The following PRDM16 variants were observed in gnomAD, a reference collection of about 807,000 sequenced individuals.
PRDM16 encodes histone-lysine N-methyltransferase PRDM16.
A neutral mutation model predicts 110.6 loss-of-function variants in PRDM16; 23 were observed. That is an observed-to-expected ratio of 0.21 (90% confidence interval 0.15 to 0.29). The LOEUF (loss-of-function observed/expected upper bound fraction) is 0.29, where lower values mean the gene tolerates loss of function less well. PRDM16 is among the 10% of genes least tolerant of loss of function. PRDM16 has a pLI of 1.00. For missense variants in PRDM16, 1,615 were observed against 1,794.3 expected, an observed-to-expected ratio of 0.90 and a Z score of 1.81; for synonymous variants, 799 against 781.8, an observed-to-expected ratio of 1.02 and a Z score of -0.37.
chr1:3,419,140 G>A (rs1323423438), intron 12 of PRDM16, among the ~76,000 whole-genome samples: 8 of 152,296 alleles, frequency 5.3e-5, no homozygotes, highest in East Asian at 3.9e-4. Flanking sequence ...ATCTCACGAC[G>A]GCCATAGCTG....
chr1:3,146,020 C>T (rs1217004588), intron 1 of PRDM16, among the ~76,000 whole-genome samples: 8 of 152,156 alleles, frequency 5.3e-5, no homozygotes, highest in Non-Finnish European at 1.2e-4. Context: ...TCCTGGGCCC[C>T]GTTAGGGACG....
chr1:3,409,770 G>A (rs1643640831), intron 8 of PRDM16, among the ~76,000 whole-genome samples: 1 of 140,224 alleles, frequency 7.1e-6, no homozygotes, highest in Admixed American at 7.1e-5. Flanking sequence ...AGTGTGTGTG[G>A]TTGTGTGTGG....
chr1:3,309,016 C>T (rs1641378904), intron 3 of PRDM16: 1 of 152,176 alleles, frequency 6.6e-6, no homozygotes, highest in Non-Finnish European at 1.5e-5. Context: ...TTAATTTTTC[C>T]CTGGCTCCTC....
intron 1 of PRDM16, among the ~76,000 whole-genome samples, chr1:3,179,694 C>T (rs901075628): frequency 2.0e-5 from 3 of 152,036 alleles, no homozygotes; most frequent in Non-Finnish European, 2.9e-5. Flanking sequence ...GCTCTCAAGG[C>T]CGGGCACCTG....
chr1:3,341,017 G>A (rs1642259423), intron 3 of PRDM16, among the ~76,000 whole-genome samples: 1 of 152,078 alleles, frequency 6.6e-6, no homozygotes, highest in African/African-American at 2.4e-5. Flanking sequence ...CCAGGCTAGG[G>A]AGGGGGATGT....
intron 3 of PRDM16, among the ~76,000 whole-genome samples, chr1:3,346,619 C>T (rs981020666): frequency 1.3e-5 from 2 of 152,148 alleles, no homozygotes; most frequent in South Asian, 2.1e-4. Context: ...GCGAGCCTCT[C>T]GATGGCCAGC....
intron 8 of PRDM16, among the ~76,000 whole-genome samples, chr1:3,406,516 G>T (rs1297550482): frequency 2.0e-5 from 3 of 151,984 alleles, no homozygotes; most frequent in Non-Finnish European, 4.4e-5. Flanking sequence ...GATCACCTGA[G>T]GCCAGGAGTT....
chr1:3,326,088 C>CT (rs1247516349), intron 3 of PRDM16, among the ~76,000 whole-genome samples: 1 of 72,948 alleles, frequency 1.4e-5, no homozygotes, highest in Admixed American at 1.1e-4. Context: ...ATCCTTGGCC[C>CT]CCCTTGGCCA....
intron 3 of PRDM16, among the ~76,000 whole-genome samples, chr1:3,259,776 G>A (rs181661992): frequency 3.3e-4 from 50 of 152,274 alleles, no homozygotes; most frequent in Admixed American, 2.8e-3. Flanking sequence ...AGCCACCTCC[G>A]TGGGCCTGGG....
chr1:3,264,867 T>C (rs1223951367), intron 3 of PRDM16, among the ~76,000 whole-genome samples: 1 of 151,850 alleles, frequency 6.6e-6, no homozygotes, highest in African/African-American at 2.4e-5. Context: ...GATCAGGCTA[T>C]GGAAATAGGG....
chr1:3,079,902 T>C (rs1402084840), intron 1 of PRDM16, among the ~76,000 whole-genome samples: 1 of 152,248 alleles, frequency 6.6e-6, no homozygotes, highest in Non-Finnish European at 1.5e-5. Context: ...CCTGCCCTCT[T>C]GTGCCTTGAA....
chr1:3,197,405 G>A lies in PRDM16; in HGVS notation c.387+10931G>A, dbSNP rs147414106. Among the ~76,000 whole-genome samples the A allele has an allele frequency of 3.7e-3, 560 of 152,300 alleles. 5 individuals are homozygous for A. Among genetic ancestry groups the A allele is most frequent in the Middle Eastern group, 0.014 (4 of 294 alleles). On this transcript the variant is annotated intron_variant, in intron 2 of 16. Transcript: ENST00000270722. ...CACTCAGTCCAATTGTCCCTTGGGTGATCCTACAGCCTTGGCATCCTAGAG... is the reference window on the plus strand; with the variant it reads ...CACTCAGTCCAATTGTCCCTTGGGTAATCCTACAGCCTTGGCATCCTAGAG...
chr1:3,348,236 G>A (rs1274569173), intron 3 of PRDM16, among the ~76,000 whole-genome samples: 2 of 152,216 alleles, frequency 1.3e-5, no homozygotes, highest in African/African-American at 4.8e-5. Flanking sequence ...GATGAGGCTC[G>A]CTGGCTCAGC....
chr1:3,087,166 G>T (rs915637104), intron 1 of PRDM16, among the ~76,000 whole-genome samples: 7 of 151,752 alleles, frequency 4.6e-5, no homozygotes, highest in African/African-American at 1.7e-4. Context: ...ACCACGTGCT[G>T]GTCAGCCCCA....
Position 3,426,164 on chromosome 1 carries a change from G to A in PRDM16, c.3223G>A (p.Glu1075Lys). Residue 1075 changes from glutamate to lysine, a missense_variant, in exon 14 of 17, where the codon GAA becomes AAA. Glu to Lys is a moderately conservative substitution (Grantham distance 56). Around this residue, in one of 5 missense-constraint regions of PRDM16, gnomAD observed 327 missense variants for 359.3 expected, o/e 0.91. Coordinates refer to ENST00000270722, the MANE Select transcript of PRDM16 (RefSeq NM_022114.4). ...CGAGAAAGAAGACTCTTATTTCTCG[G>A]AAATCAGAAACTTTATTGCCAATAG... Reference protein sequence around the residue: ...LDEKEDSYFSEIRNFIANSEM... With the variant: ...LDEKEDSYFSKIRNFIANSEM... 1 of 1,613,938 alleles carries A rather than the reference G, an allele frequency of 6.2e-7. No homozygotes were observed.
rs544452453 is a variant in PRDM16, at chr1:3,437,219, G to A, written c.*3408G>A. On this transcript the variant is annotated 3_prime_UTR_variant, in exon 17 of 17. Coordinates refer to ENST00000270722, the MANE Select transcript of PRDM16 (RefSeq NM_022114.4). ...GAGGCCTTCCTTTACAAGGCCACGCGTGCAGCTGTCCCATCCAGACCCCGA... is the reference window on the plus strand; with the variant it reads ...GAGGCCTTCCTTTACAAGGCCACGCATGCAGCTGTCCCATCCAGACCCCGA... 12 of 232,732 alleles carry A rather than the reference G, an allele frequency of 5.2e-5. No individual in the cohort carries two copies. Among genetic ancestry groups the A allele is most frequent in the East Asian group, 3.0e-4 (5 of 16,530 alleles). 14.4% of individuals were successfully genotyped at this position (232,732 alleles called of 1,614,324 possible).
intron 1 of PRDM16, among the ~76,000 whole-genome samples, chr1:3,096,188 C>T (rs184614420): frequency 1.4e-3 from 220 of 152,274 alleles, no homozygotes; most frequent in African/African-American, 5.0e-3. Context: ...GCAGGAACCT[C>T]GGCTTTCCTG....
chr1:3,216,281 C>T (rs1037089344), intron 2 of PRDM16, among the ~76,000 whole-genome samples: 2 of 152,076 alleles, frequency 1.3e-5, no homozygotes, highest in African/African-American at 2.4e-5. Flanking sequence ...GTTCAAGAAG[C>T]GTCCAACCCG....
At chr1:3,230,516 G>A (rs1639382332) in intron 2 of PRDM16, among the ~76,000 whole-genome samples, 1 of 152,240 alleles carries the variant, frequency 6.6e-6, no homozygotes, top group African/African-American at 2.4e-5. Flanking sequence ...TGAGGGTTTG[G>A]GGATCTCCCT....
Sources: allele counts gnomAD v4.1 joint callset (sites outside exome capture counted in the v4.1 genomes callset), GRCh38; gene constraint gnomAD v4.1.1; regional missense constraint gnomAD v4.1.1; transcripts MANE v1.5; gene names NCBI Gene and HGNC (gene_info 2026-07-23, HGNC 2026-07-21).